TULP4: variants seen among roughly 807,000 people sequenced by gnomAD.
TULP4 encodes tubby-related protein 4.
TULP4 carries 16 observed loss-of-function variants against 129.0 expected under a neutral mutation model. The observed-to-expected ratio is 0.12, with a 90% CI of 0.08 to 0.19. TULP4 has a LOEUF of 0.19. Among genes scored for constraint, TULP4 ranks in the 10% least tolerant of loss-of-function variants. The probability of loss-of-function intolerance (pLI) is 1.00; values close to 1 mark genes in which losing one functional copy is unlikely to be tolerated. For missense variants in TULP4, 1,842 were observed against 2,059.1 expected, an observed-to-expected ratio of 0.89 and a Z score of 2.04; for synonymous variants, 998 against 854.0, an observed-to-expected ratio of 1.17 and a Z score of -2.94.
chr6:158,356,673 G>A (rs2114820059), intron 1 of TULP4, among the ~76,000 whole-genome samples: 1 of 152,194 alleles, frequency 6.6e-6, no homozygotes, highest in African/African-American at 2.4e-5. Flanking sequence ...ATACATTGAG[G>A]GGCTCTGGTA....
chr6:158,378,642 G>A (rs893466815), intron 1 of TULP4, among the ~76,000 whole-genome samples: 1 of 151,868 alleles, frequency 6.6e-6, no homozygotes, highest in Admixed American at 6.6e-5. Context: ...GTGCCACTGT[G>A]CCCGGCTGAT....
chr6:158,243,600 G>A (rs1162805940), intron 1 of TULP4, among the ~76,000 whole-genome samples: 1 of 151,202 alleles, frequency 6.6e-6, no homozygotes, highest in Non-Finnish European at 1.5e-5. Context: ...TTTATTCTTT[G>A]CATCCTTGTA....
chr6:158,365,155 C>G (rs1780902593), intron 1 of TULP4, among the ~76,000 whole-genome samples: 1 of 151,990 alleles, frequency 6.6e-6, no homozygotes, highest in Non-Finnish European at 1.5e-5. Flanking sequence ...CCCCACCACT[C>G]CTTCTAGCTT....
At chr6:158,325,370 T>TTTC (rs397785884) in intron 1 of TULP4, among the ~76,000 whole-genome samples, 1 of 150,962 alleles carries the variant, frequency 6.6e-6, no homozygotes, top group Non-Finnish European at 1.5e-5. Flanking sequence ...TTTTTTTTTT[T>TTTC]CAGACAGAGT....
chr6:158,452,056 T>G (rs1779173388), intron 4 of TULP4, 78 bp from the exon 5 acceptor site: 2 of 1,578,320 alleles, frequency 1.3e-6, no homozygotes, highest in Admixed American at 1.8e-5. Context: ...TAAGGCACCA[T>G]GCAAGATTTC....
At chr6:158,441,508 C>T (rs1778898227) in intron 3 of TULP4, among the ~76,000 whole-genome samples, 1 of 152,156 alleles carries the variant, frequency 6.6e-6, no homozygotes, top group Non-Finnish European at 1.5e-5. Flanking sequence ...CAGCGTTTAG[C>T]CAGATGGTGA....
chr6:158,372,126 T>G lies in TULP4; in HGVS notation c.253-40939T>G, dbSNP rs1014869919. Reference sequence around the variant, plus strand: ...CACCATGCCAAGCCATTTTCTAGTTTTTTTTTTTTTTTTTTTAATACAATT... The same window carrying G: ...CACCATGCCAAGCCATTTTCTAGTTGTTTTTTTTTTTTTTTTAATACAATT... On this transcript the variant is annotated intron_variant, in intron 1 of 13. Coordinates refer to ENST00000367097, the MANE Select transcript of TULP4 (RefSeq NM_020245.5). 4.0e-5 allele frequency among the ~76,000 whole-genome samples: 3 copies of G among 74,320 alleles called. No individual in the cohort carries two copies. The East Asian group carries it at 7.2e-4, about 18-fold the overall frequency. 48.8% of individuals were successfully genotyped at this position (74,320 alleles called of 152,430 possible). A position where few individuals can be genotyped will look rare whatever the true frequency, so the allele number is the denominator to read the frequency against.
At chr6:158,319,887 A>G (rs1779586302) in intron 1 of TULP4, among the ~76,000 whole-genome samples, 1 of 152,204 alleles carries the variant, frequency 6.6e-6, no homozygotes, top group Admixed American at 6.5e-5. Flanking sequence ...TGTGATACAT[A>G]GCTTCATATT....
intron 1 of TULP4, among the ~76,000 whole-genome samples, chr6:158,383,434 T>C (rs1777372986): frequency 6.6e-6 from 1 of 152,262 alleles, no homozygotes; most frequent in Non-Finnish European, 1.5e-5. Context: ...CAACAATTAG[T>C]GTCACCCATT....
At chr6:158,457,493 G>A (rs1779318057) in intron 5 of TULP4, among the ~76,000 whole-genome samples, 1 of 152,136 alleles carries the variant, frequency 6.6e-6, no homozygotes, top group Non-Finnish European at 1.5e-5. Context: ...TCAGAACAGG[G>A]ACTTCTCTTC....
chr6:158,236,698 C>G (rs1293582050), intron 1 of TULP4, among the ~76,000 whole-genome samples: 1 of 150,474 alleles, frequency 6.6e-6, no homozygotes, highest in African/African-American at 2.4e-5. Flanking sequence ...TCCTGGAAAA[C>G]CTTAGATAAG....
chr6:158,463,380 A>C (rs1389977133), intron 6 of TULP4, among the ~76,000 whole-genome samples: 1 of 152,042 alleles, frequency 6.6e-6, no homozygotes, highest in Admixed American at 6.6e-5. Flanking sequence ...ATAGTGGAGG[A>C]TGAATTATCA....
intron 3 of TULP4, among the ~76,000 whole-genome samples, chr6:158,448,066 G>T (rs1779090559): frequency 6.6e-6 from 1 of 152,202 alleles, no homozygotes; most frequent in African/African-American, 2.4e-5. Context: ...TAGTGTTGTT[G>T]GTTGGTTGGT....
At chr6:158,239,915 G>A (rs1339154007) in intron 1 of TULP4, among the ~76,000 whole-genome samples, 19 of 59,404 alleles carry the variant, frequency 3.2e-4, no homozygotes, top group East Asian at 6.7e-4. Flanking sequence ...CTCACCTCCC[G>A]GACGGGGCGG....
At chr6:158,405,837 C>T (rs891871212) in intron 1 of TULP4, among the ~76,000 whole-genome samples, 2 of 152,130 alleles carry the variant, frequency 1.3e-5, no homozygotes, top group Non-Finnish European at 2.9e-5. Context: ...CTTGCCTCGG[C>T]GTCTCCCAAC....
chr6:158,396,498 G>T (rs192868710), intron 1 of TULP4, among the ~76,000 whole-genome samples: 373 of 152,192 alleles, frequency 2.5e-3, no homozygotes, highest in African/African-American at 8.6e-3. Context: ...AAGGTAGTGT[G>T]GAGGAAATAA....
chr6:158,310,027 A>T (rs915082676), upstream of TULP4, among the ~76,000 whole-genome samples: 3 of 152,296 alleles, frequency 2.0e-5, no homozygotes, highest in South Asian at 6.2e-4. Flanking sequence ...GTTCAAGAAA[A>T]TGTCGGCCAA....
intron 1 of TULP4, among the ~76,000 whole-genome samples, chr6:158,394,332 C>G: frequency 6.6e-6 from 1 of 152,206 alleles, no homozygotes; most frequent in East Asian, 1.9e-4. Flanking sequence ...TCCAAACTTT[C>G]CCACAATCCT....
At chr6:158,417,131 G>C (rs1010967190) in intron 2 of TULP4, among the ~76,000 whole-genome samples, 1 of 152,152 alleles carries the variant, frequency 6.6e-6, no homozygotes, top group Non-Finnish European at 1.5e-5. Flanking sequence ...AGGAGCTCAG[G>C]CTTCATTACC....
Sources: allele counts gnomAD v4.1 joint callset (sites outside exome capture counted in the v4.1 genomes callset), GRCh38; gene constraint gnomAD v4.1.1; transcripts MANE v1.5; gene names NCBI Gene and HGNC (gene_info 2026-07-23, HGNC 2026-07-21).